Variants in SNX13 observed in about 807,000 individuals in gnomAD.
SNX13 encodes the protein sorting nexin-13.
SNX13 carries 45 observed loss-of-function variants against 133.6 expected under a neutral mutation model. That is an observed-to-expected ratio of 0.34 (90% confidence interval 0.27 to 0.43). SNX13 has a LOEUF of 0.43. Among genes scored for constraint, SNX13 ranks in the 20% least tolerant of loss-of-function variants. The pLI is 1.00. For missense variants in SNX13, 1,032 were observed against 1,145.1 expected, an observed-to-expected ratio of 0.90 and a Z score of 1.43; for synonymous variants, 414 against 373.9, an observed-to-expected ratio of 1.11 and a Z score of -1.24.
At chr7:17,882,817 A>G (rs1268725556) in intron 5 of SNX13, 1 of 1,246,942 alleles carries the variant, frequency 8.0e-7, no homozygotes, top group African/African-American at 1.6e-5. Context: ...CCAGAATTTA[A>G]ATTACATATT....
At chr7:17,855,920 T>G (rs1381853969) in intron 9 of SNX13, among the ~76,000 whole-genome samples, 2 of 152,242 alleles carry the variant, frequency 1.3e-5, no homozygotes, top group Non-Finnish European at 2.9e-5. Flanking sequence ...CAAAGTAAAC[T>G]GATAACCTTC....
At position 17,850,990 on chromosome 7, in the gene SNX13, G is replaced by A. The variant is rs749018850; in HGVS notation, c.838-26C>T. 10 of 1,581,676 alleles carry A rather than the reference G, an allele frequency of 6.3e-6. No individual in the cohort carries two copies. The African/African-American group carries it at 1.4e-4, about 21-fold the overall frequency. ...CTGAAAACAAGTTTAAGAAAAACAG[G>A]TGGGAGAGGAACTCACTTATGAAAA... On this transcript the variant is annotated intron_variant, in intron 9 of 25. Coordinates refer to ENST00000428135, the MANE Select transcript of SNX13 (RefSeq NM_015132.5).
At chr7:17,811,684 G>A (rs1464330698) in intron 20 of SNX13, among the ~76,000 whole-genome samples, 1 of 152,040 alleles carries the variant, frequency 6.6e-6, no homozygotes, top group East Asian at 1.9e-4. Flanking sequence ...AGCCCATATA[G>A]ACAAGAGAAT....
At chr7:17,940,136 G>A in intron 1 of SNX13, 148 bp downstream of exon 1, 1 of 1,023,160 alleles carries the variant, frequency 9.8e-7, no homozygotes, top group Non-Finnish European at 1.5e-6. Context: ...TACTCTGAGG[G>A]CACTTGTAGG....
intron 18 of SNX13, among the ~76,000 whole-genome samples, chr7:17,820,068 C>T (rs2723545): frequency 6.6e-6 from 1 of 151,950 alleles, no homozygotes; most frequent in East Asian, 1.9e-4. Context: ...AAGTTTTCTT[C>T]AAAAGTATGT....
chr7:17,839,603 G>T (rs1264387781), intron 13 of SNX13, among the ~76,000 whole-genome samples: 2 of 151,810 alleles, frequency 1.3e-5, no homozygotes, highest in Admixed American at 1.3e-4. Context: ...CTATCATTTA[G>T]TATTTGCATG....
At chr7:17,854,694 A>T (rs927336739) in intron 9 of SNX13, among the ~76,000 whole-genome samples, 1 of 152,174 alleles carries the variant, frequency 6.6e-6, no homozygotes, top group Non-Finnish European at 1.5e-5. Context: ...GACAAAATTA[A>T]TTGATAAATT....
rs370248601 is a variant in SNX13, at chr7:17,883,454, A to G, written c.440+6909T>C. On this transcript the variant is annotated intron_variant, in intron 5 of 25. Transcript: ENST00000428135. ...TTAATAAAACTACTAAAACTAAGAT[A>G]TAAGTCCTTCAGAACATCTGGACAT... 3.7e-4 allele frequency among the ~76,000 whole-genome samples: 57 copies of G among 152,382 alleles called. 1 individual carries two copies. The highest frequency in any genetic ancestry group is 3.4e-3 in the Middle Eastern group (1 of 294).
chr7:17,915,735 T>G (rs1187319795), intron 1 of SNX13, among the ~76,000 whole-genome samples: 1 of 152,098 alleles, frequency 6.6e-6, no homozygotes, highest in Non-Finnish European at 1.5e-5. Context: ...ACTGACAACA[T>G]AAGATAGATC....
At position 17,826,022 on chromosome 7, in the gene SNX13, C is replaced by A. The variant is rs866370283; in HGVS notation, c.1705G>T (p.Gly569Cys). Residue 569 changes from glycine (G) to cysteine (C), a missense_variant and splice_region_variant, in exon 17 of 26, where the codon GGC becomes TGC. By Grantham distance (159) the Gly-to-Cys change is radical. Transcript: ENST00000428135. ...ATAATTATACTTCAAACTCTCTTAC[C>A]TGTGTCTGAAATGTAGGCATGAAGT... ...VQLHAYISDT[G>C]VCNDHGKTYA... The A allele has an allele frequency of 1.3e-6, 2 of 1,531,916 alleles. No individual in the cohort carries two copies. Among genetic ancestry groups the A allele is most frequent in the Non-Finnish European group, 1.8e-6 (2 of 1,131,640 alleles). 94.9% of individuals were successfully genotyped at this position (1,531,916 alleles called of 1,614,324 possible).
intron 2 of SNX13, among the ~76,000 whole-genome samples, chr7:17,895,436 C>T (rs752969647): frequency 9.2e-5 from 14 of 152,082 alleles, no homozygotes; most frequent in Non-Finnish European, 1.8e-4. Context: ...TTAACTTTGA[C>T]TATAAGCAAA....
intron 16 of SNX13, among the ~76,000 whole-genome samples, chr7:17,828,572 G>C (rs1299195791): frequency 6.6e-6 from 1 of 151,468 alleles, no homozygotes; most frequent in Admixed American, 6.6e-5. Context: ...TCGTGATCTA[G>C]TTTACAATCT....
intron 1 of SNX13, among the ~76,000 whole-genome samples, chr7:17,912,285 G>A (rs1467694322): frequency 2.0e-5 from 3 of 152,132 alleles, no homozygotes; most frequent in African/African-American, 7.2e-5. Context: ...TGCAACCCAG[G>A]CCATGGGAGA....
Position 17,794,078 on chromosome 7 carries a change from T to G in SNX13, c.2841A>C (p.Gln947His), listed in dbSNP as rs758064690. 6.2e-7 allele frequency: 1 copy of G among 1,611,552 alleles called. No homozygotes were observed. Among genetic ancestry groups the G allele is most frequent in the East Asian group, 2.2e-5 (1 of 44,814 alleles). Residue 947 changes from glutamine to histidine, a missense_variant, in exon 26 of 26, where the codon CAA (glutamine) becomes CAC (histidine). Gln to His is a conservative substitution (Grantham distance 24). Transcript: ENST00000428135. ...KQMQKYKQKL[Q>H]TTQAPSLQKR The stretch of plus-strand genomic sequence containing the variant: ...TCTGCAAAGAAGGCGCTTGAGTAGT[T>G]TGAAGTTTCTGTTTATATTTCTGCA...
intron 5 of SNX13, among the ~76,000 whole-genome samples, chr7:17,877,592 C>CA (rs1794868440): frequency 6.6e-6 from 1 of 151,960 alleles, no homozygotes; most frequent in African/African-American, 2.4e-5. Context: ...TTTCATGCTA[C>CA]AATGCTGTTT....
intron 15 of SNX13, chr7:17,830,554 T>C: frequency 1.0e-6 from 1 of 983,774 alleles, no homozygotes. Context: ...TTGAAAACAC[T>C]GGAAGTCCAG....
chr7:17,834,050 A>G lies in SNX13; in HGVS notation c.1597+2T>C, dbSNP rs1373454038. On this transcript the variant is annotated splice_donor_variant, in intron 15 of 25. Coordinates refer to ENST00000428135, the MANE Select transcript of SNX13 (RefSeq NM_015132.5). LOFTEE classifies it high-confidence loss of function. ...TTATGTGTAAAATGGGTGCCACCTT[A>G]CCTCCATCCCCATCATCGGATCCTC... is the stretch of plus-strand genomic sequence containing the variant. 1 of 1,543,176 alleles carries G rather than the reference A, an allele frequency of 6.5e-7. No homozygotes were observed. Among genetic ancestry groups the G allele is most frequent in the Non-Finnish European group, 8.8e-7 (1 of 1,138,614 alleles).
intron 1 of SNX13, among the ~76,000 whole-genome samples, chr7:17,901,403 C>T (rs560733754): frequency 6.6e-6 from 1 of 152,092 alleles, no homozygotes; most frequent in African/African-American, 2.4e-5. Context: ...CTCCTTGTGG[C>T]CTAGCCTGCC....
intron 1 of SNX13, among the ~76,000 whole-genome samples, chr7:17,920,022 A>C (rs941596630): frequency 1.3e-5 from 2 of 152,168 alleles, no homozygotes; most frequent in African/African-American, 4.8e-5. Context: ...AAAAGAAAAA[A>C]AAGTATCCTT....
Sources: gnomAD v4.1 joint callset for allele counts (sites outside exome capture counted in the v4.1 genomes callset) on GRCh38, gnomAD v4.1.1 for gene constraint, MANE v1.5 for transcripts, NCBI Gene and HGNC (gene_info 2026-07-23, HGNC 2026-07-21) for gene names.